The following PTPRN2 variants were observed in gnomAD, a reference collection of about 807,000 sequenced individuals.
PTPRN2 encodes the protein receptor-type tyrosine-protein phosphatase N2.
PTPRN2 carries 74 observed loss-of-function variants against 118.8 expected under a neutral mutation model. The observed-to-expected ratio is 0.62, with a 90% CI of 0.52 to 0.76. PTPRN2 has a LOEUF of 0.76. Ranked by LOEUF, PTPRN2 falls within the 30% of genes least tolerant of loss-of-function variation. The pLI is 0.00. For missense variants in PTPRN2, 1,481 were observed against 1,394.4 expected (o/e 1.06, Z -0.99); for synonymous variants, 641 against 608.0 (o/e 1.05, Z -0.80).
chr7:158,499,472 G>C (rs149554043), intron 1 of PTPRN2, among the ~76,000 whole-genome samples: 1 of 152,102 alleles, frequency 6.6e-6, no homozygotes, highest in Non-Finnish European at 1.5e-5. Flanking sequence ...TTCATCACCC[G>C]GATAACAAAT....
At chr7:158,459,035 G>T (rs189328697) in intron 2 of PTPRN2, among the ~76,000 whole-genome samples, 3 of 152,174 alleles carry the variant, frequency 2.0e-5, no homozygotes, top group Non-Finnish European at 4.4e-5. Flanking sequence ...ACAGGGTGCC[G>T]CGGCCATCAC....
Position 158,340,762 on chromosome 7 carries a change from C to A in PTPRN2, c.164-23830G>T, listed in dbSNP as rs1348495378. ...TGACACATGCAGACGTCACACACAC[C>A]CACACTCTCACCATAATTGGTGACA... On this transcript the variant is annotated intron_variant, in intron 2 of 22. Transcript: ENST00000389418. Among the ~76,000 whole-genome samples the A allele has an allele frequency of 7.2e-4, 55 of 76,008 alleles. 15 individuals are homozygous for A. The highest frequency in any genetic ancestry group is 1.3e-3 in the Non-Finnish European group (49 of 37,244). 49.9% of individuals were successfully genotyped at this position (76,008 alleles called of 152,430 possible). A position where few individuals can be genotyped will look rare whatever the true frequency, so the allele number is the denominator to read the frequency against.
intron 11 of PTPRN2, among the ~76,000 whole-genome samples, chr7:157,932,630 G>A (rs760614812): frequency 6.6e-6 from 1 of 151,100 alleles, no homozygotes; most frequent in Non-Finnish European, 1.5e-5. Flanking sequence ...CAGTAGGGTT[G>A]GGTCATTCTG....
In PTPRN2 at chr7:157,898,695, A is replaced by G; in HGVS notation, c.1766T>C (p.Ile589Thr). The change falls in exon 12 of 23, where the codon ATT becomes ACT. Residue 589 changes from isoleucine (I) to threonine (T), a missense_variant. This residue lies in a region of PTPRN2 where 1,115 missense variants were observed against 994.2 expected (regional missense o/e 1.12). Coordinates refer to ENST00000389418, the MANE Select transcript of PTPRN2 (RefSeq NM_002847.5). Reference sequence around the variant, plus strand: ...CACCGACCCGACTCCGGTTTGAAGAATTTTCAGTCCAGAGGTTTCCTCCAG... The same window carrying G: ...CACCGACCCGACTCCGGTTTGAAGAGTTTTCAGTCCAGAGGTTTCCTCCAG... Reference protein sequence around the residue: ...DKLEETSGLKILQTGVGSKSK... With the variant: ...DKLEETSGLKTLQTGVGSKSK... 1.2e-6 allele frequency: 2 copies of G among 1,606,958 alleles called. No homozygotes were observed. The highest frequency in any genetic ancestry group is 1.1e-5 in the South Asian group (1 of 90,922).
intron 14 of PTPRN2, among the ~76,000 whole-genome samples, chr7:157,643,062 T>C (rs1399128430): frequency 6.6e-6 from 1 of 152,132 alleles, no homozygotes; most frequent in Non-Finnish European, 1.5e-5. Context: ...AGGATAAACC[T>C]CTTTGGAGTT....
rs367853791 is a variant in PTPRN2 at position 157,854,363 on chromosome 7, T to C, written c.1788+44310A>G. Among the ~76,000 whole-genome samples the C allele has an allele frequency of 2.6e-4, 40 of 152,350 alleles. 1 individual carries two copies. The highest frequency in any genetic ancestry group is 9.4e-4 in the African/African-American group (39 of 41,586). The stretch of plus-strand genomic sequence containing the variant: ...GCCTGTCTGCCCACGTCTCTCCAGC[T>C]GTGCAATCGGCACACCCACGTCCAC... On this transcript the variant is annotated intron_variant, in intron 12 of 22. Transcript: ENST00000389418.
At position 157,682,950 on chromosome 7, in the gene PTPRN2, G is replaced by A. The variant is rs781305252; in HGVS notation, c.1789-13C>T. On this transcript the variant is annotated splice_polypyrimidine_tract_variant and intron_variant, in intron 12 of 22. Coordinates refer to ENST00000389418, the MANE Select transcript of PTPRN2 (RefSeq NM_002847.5). ...TGAGTTTGCTTTTCTGCAGAACAAG[G>A]AGAGAGGGGTGTGTTAGCTCCTGAC... The A allele has an allele frequency of 6.3e-7, 1 of 1,588,610 alleles. No individual in the cohort carries two copies. The highest frequency in any genetic ancestry group is 8.6e-7 in the Non-Finnish European group (1 of 1,158,106).
intron 11 of PTPRN2, among the ~76,000 whole-genome samples, chr7:157,978,032 C>T (rs1012588807): frequency 1.3e-5 from 2 of 151,948 alleles, no homozygotes; most frequent in African/African-American, 4.8e-5. Context: ...GACTAAATAC[C>T]AAGGAGTTTT....
At chr7:158,363,075 G>C (rs1809128253) in intron 2 of PTPRN2, among the ~76,000 whole-genome samples, 1 of 152,204 alleles carries the variant, frequency 6.6e-6, no homozygotes, top group Non-Finnish European at 1.5e-5. Context: ...TGAGCCGAGG[G>C]GGACAGGACC....
intron 11 of PTPRN2, among the ~76,000 whole-genome samples, chr7:157,910,150 C>G (rs1030338399): frequency 6.6e-6 from 1 of 152,268 alleles, no homozygotes; most frequent in Middle Eastern, 3.2e-3. Context: ...ATACCGGCTG[C>G]CAGCCATGAG....
intron 12 of PTPRN2, among the ~76,000 whole-genome samples, chr7:157,684,637 G>A (rs897013225): frequency 7.5e-6 from 1 of 133,822 alleles, no homozygotes; most frequent in Non-Finnish European, 1.6e-5. Context: ...GCCTCTTCCA[G>A]AAAGAAGTCA....
chr7:157,656,678 GT>G (rs1333037472), intron 13 of PTPRN2, 127 bp from the exon 14 acceptor site: 16 of 1,013,834 alleles, frequency 1.6e-5, no homozygotes, highest in Non-Finnish European at 1.7e-5. Flanking sequence ...GCAGGCGAGA[GT>G]TTACCCCAGG....
intron 3 of PTPRN2, among the ~76,000 whole-genome samples, chr7:158,293,045 G>A (rs1388671555): frequency 6.6e-6 from 1 of 152,004 alleles, no homozygotes; most frequent in African/African-American, 2.4e-5. Context: ...TCCAGCCTGG[G>A]CAACAGAGTG....
intron 11 of PTPRN2, chr7:158,030,054 A>G (rs1054070500): frequency 3.3e-5 from 5 of 152,200 alleles, no homozygotes; most frequent in African/African-American, 1.2e-4. Flanking sequence ...TTCTAATACT[A>G]TTTTGTTAGA....
chr7:157,917,786 C>G (rs957466204), intron 11 of PTPRN2, among the ~76,000 whole-genome samples: 1 of 152,102 alleles, frequency 6.6e-6, no homozygotes, highest in African/African-American at 2.4e-5. Flanking sequence ...GGGACGGCCC[C>G]AGGTCCTGCG....
chr7:158,301,271 A>T (rs1358516423), intron 3 of PTPRN2, among the ~76,000 whole-genome samples: 3 of 152,206 alleles, frequency 2.0e-5, no homozygotes, highest in Non-Finnish European at 4.4e-5. Context: ...ATGAACACAG[A>T]CGAACCACGA....
In PTPRN2 at chr7:158,043,675, T is replaced by C. The variant is rs572132204; in HGVS notation, c.1723+37623A>G. ...GCCAATTTCTGAGCACAAGGCAGGT[T>C]GCCAGGAAATGCAGCTTGACATTTA... On this transcript the variant is annotated intron_variant, in intron 11 of 22. Coordinates refer to ENST00000389418, the MANE Select transcript of PTPRN2 (RefSeq NM_002847.5). Among the ~76,000 whole-genome samples the C allele has an allele frequency of 2.7e-4, 41 of 152,368 alleles. No individual in the cohort carries two copies. In the Middle Eastern group the frequency reaches 0.014, roughly 51 times the overall value.
At chr7:158,415,028 GATACAACCAGCTACTTCTCTGAT>G (rs2129418185) in intron 2 of PTPRN2, among the ~76,000 whole-genome samples, 1 of 23,922 alleles carries the variant, frequency 4.2e-5, no homozygotes, top group East Asian at 1.6e-3. Flanking sequence ...CTTTCCTGAT[GATACAACCAGCTACTTCTCTGAT>G]GATACAACCA....
chr7:158,068,115 G>C (rs1207332427), intron 11 of PTPRN2, among the ~76,000 whole-genome samples: 2 of 152,228 alleles, frequency 1.3e-5, no homozygotes, highest in Non-Finnish European at 2.9e-5. Flanking sequence ...TGGGGGTCCA[G>C]GCTGTGCAGT....
Sources: gnomAD v4.1 joint callset for allele counts (sites outside exome capture counted in the v4.1 genomes callset) on GRCh38, gnomAD v4.1.1 for gene constraint, gnomAD v4.1.1 regional missense constraint, MANE v1.5 for transcripts, NCBI Gene and HGNC (gene_info 2026-07-23, HGNC 2026-07-21) for gene names.